Variants in RORA observed in about 807,000 individuals in gnomAD.
RORA encodes the protein RAR related orphan receptor A.
A neutral mutation model predicts 69.5 loss-of-function variants in RORA; 7 were observed. The observed-to-expected ratio is 0.10, with a 90% CI of 0.06 to 0.19. RORA has a LOEUF of 0.19. Ranked by LOEUF, RORA falls within the 10% of genes least tolerant of loss-of-function variation. The pLI, the probability that RORA is intolerant of heterozygous loss-of-function variation, is 1.00. For missense variants in RORA, 457 were observed against 663.0 expected (o/e 0.69, Z 3.41); for synonymous variants, 261 against 240.8 (o/e 1.08, Z -0.78).
chr15:60,519,762 C>A (rs2066097228), intron 3 of RORA, among the ~76,000 whole-genome samples: 1 of 152,124 alleles, frequency 6.6e-6, no homozygotes, highest in Non-Finnish European at 1.5e-5. Flanking sequence ...CATTTTTCCT[C>A]ATTTCTGACC....
At chr15:61,126,603 C>T (rs1430711603) in intron 1 of RORA, among the ~76,000 whole-genome samples, 1 of 152,140 alleles carries the variant, frequency 6.6e-6, no homozygotes. Flanking sequence ...AATTAACAAG[C>T]TACTGGTTTT....
At chr15:60,856,564 C>T (rs1172916065) in intron 1 of RORA, among the ~76,000 whole-genome samples, 3 of 150,176 alleles carry the variant, frequency 2.0e-5, no homozygotes, top group African/African-American at 4.9e-5. Context: ...GATAAGTCAT[C>T]GATGCAAATG....
At chr15:61,043,040 G>A (rs540659884) in intron 1 of RORA, among the ~76,000 whole-genome samples, 10 of 152,308 alleles carry the variant, frequency 6.6e-5, no homozygotes, top group South Asian at 2.1e-4. Flanking sequence ...TGGACATGGC[G>A]ATGACAATGG....
At chr15:61,052,860 G>A (rs1442434826) in intron 1 of RORA, among the ~76,000 whole-genome samples, 1 of 151,974 alleles carries the variant, frequency 6.6e-6, no homozygotes, top group African/African-American at 2.4e-5. Context: ...GATGTACCCT[G>A]CACAAAAGTG....
At chr15:60,560,332 A>T (rs1332394203) in intron 2 of RORA, among the ~76,000 whole-genome samples, 1 of 151,888 alleles carries the variant, frequency 6.6e-6, no homozygotes, top group African/African-American at 2.4e-5. Context: ...AGCTTGCCCT[A>T]GTTACACCCT....
chr15:61,082,673 C>T (rs1281484112), intron 1 of RORA, among the ~76,000 whole-genome samples: 1 of 152,174 alleles, frequency 6.6e-6, no homozygotes, highest in African/African-American at 2.4e-5. Context: ...TGCAGTTCTT[C>T]ATTGGGACTG....
intron 1 of RORA, among the ~76,000 whole-genome samples, chr15:60,737,372 A>G (rs1313840054): frequency 2.0e-5 from 3 of 152,176 alleles, no homozygotes; most frequent in African/African-American, 7.2e-5. Flanking sequence ...TGCTCTTGGA[A>G]GAGCACCACC....
intron 1 of RORA, among the ~76,000 whole-genome samples, chr15:61,005,955 GTTTGTTTTGTTTTGT>G (rs143947688): frequency 6.6e-6 from 1 of 151,442 alleles, no homozygotes; most frequent in African/African-American, 2.4e-5. Context: ...TTTTTTGTTT[GTTTGTTTTGTTTTGT>G]TTTGTTTTGT....
chr15:60,680,392 C>T (rs150006854), intron 1 of RORA, among the ~76,000 whole-genome samples: 1 of 152,280 alleles, frequency 6.6e-6, no homozygotes, highest in African/African-American at 2.4e-5. Context: ...AATACCACTG[C>T]TTTGACTTTT....
At chr15:60,956,703 A>G (rs991459306) in intron 1 of RORA, among the ~76,000 whole-genome samples, 11 of 152,250 alleles carry the variant, frequency 7.2e-5, no homozygotes, top group African/African-American at 2.4e-4. Flanking sequence ...GCATTTATTG[A>G]GTACTCATCT....
intron 1 of RORA, among the ~76,000 whole-genome samples, chr15:60,913,224 G>A (rs1242906305): frequency 6.6e-6 from 1 of 152,160 alleles, no homozygotes; most frequent in East Asian, 1.9e-4. Context: ...CTCGTGCTCA[G>A]GCTCAGGGAG....
chr15:60,887,100 G>A (rs2140453634), intron 1 of RORA, among the ~76,000 whole-genome samples: 1 of 152,036 alleles, frequency 6.6e-6, no homozygotes, highest in South Asian at 2.1e-4. Context: ...TCAGAAGAAA[G>A]CTGGTTTCTT....
intron 2 of RORA, among the ~76,000 whole-genome samples, chr15:60,613,016 T>G (rs979652533): frequency 6.6e-6 from 1 of 152,048 alleles, no homozygotes; most frequent in Non-Finnish European, 1.5e-5. Flanking sequence ...AGGCCACTGT[T>G]CAGGAATTTT....
intron 1 of RORA, among the ~76,000 whole-genome samples, chr15:60,893,694 G>C (rs1891144562): frequency 6.6e-6 from 1 of 152,182 alleles, no homozygotes; most frequent in Non-Finnish European, 1.5e-5. Context: ...GGGTGACAAA[G>C]CCTCTAGGGG....
chr15:61,100,052 G>T (rs1179476727), intron 1 of RORA, among the ~76,000 whole-genome samples: 1 of 151,316 alleles, frequency 6.6e-6, no homozygotes, highest in African/African-American at 2.4e-5. Context: ...GAATTCAAAA[G>T]AGCCAGAAAT....
At chr15:60,978,326 C>G (rs1419543613) in intron 1 of RORA, among the ~76,000 whole-genome samples, 3 of 152,138 alleles carry the variant, frequency 2.0e-5, no homozygotes, top group Non-Finnish European at 4.4e-5. Context: ...GAAGAAATGT[C>G]TATTCACACC....
intron 2 of RORA, among the ~76,000 whole-genome samples, chr15:60,656,205 T>C (rs917366997): frequency 2.0e-5 from 3 of 152,180 alleles, no homozygotes; most frequent in African/African-American, 7.2e-5. Context: ...ACTTCGCAGA[T>C]ACGGAAACCA....
chr15:61,194,061 C>T (rs1443556778), intron 1 of RORA: 1 of 152,136 alleles, frequency 6.6e-6, no homozygotes. Flanking sequence ...AACGAATGGC[C>T]CGTGGGAAGC....
At chr15:61,153,822 A>C (rs2079419383) in intron 1 of RORA, among the ~76,000 whole-genome samples, 1 of 152,196 alleles carries the variant, frequency 6.6e-6, no homozygotes. Flanking sequence ...CAAAGTTGTT[A>C]TGCAAGGGCA....
Sources: allele counts gnomAD v4.1 joint callset (sites outside exome capture counted in the v4.1 genomes callset), GRCh38; gene constraint gnomAD v4.1.1; transcripts MANE v1.5; gene names NCBI Gene and HGNC (gene_info 2026-07-23, HGNC 2026-07-21).